The following SH3BP4 variants were observed in gnomAD, a reference collection of about 807,000 sequenced individuals.
SH3BP4 encodes SH3 domain binding protein 4.
In SH3BP4, 33 loss-of-function variants were observed where a neutral mutation model predicts 65.5. The ratio of observed to expected loss-of-function variants is 0.50; its 90% confidence interval spans 0.38 to 0.67. The LOEUF (loss-of-function observed/expected upper bound fraction) is 0.67, where lower values mean the gene tolerates loss of function less well. Ranked by LOEUF, SH3BP4 falls within the 30% of genes least tolerant of loss-of-function variation. The pLI, the probability that SH3BP4 is intolerant of heterozygous loss-of-function variation, is 0.00. For synonymous variants in SH3BP4, 552 were observed against 545.5 expected (o/e 1.01, Z -0.17); for missense variants, 1,134 against 1,261.4 (o/e 0.90, Z 1.53).
At position 235,054,439 on chromosome 2, in the gene SH3BP4, C is replaced by T. The variant is rs988267966; in HGVS notation, c.*623C>T. 1 of 152,374 alleles carries T rather than the reference C, an allele frequency of 6.6e-6. No individual in the cohort carries two copies. Among genetic ancestry groups the T allele is most frequent in the Non-Finnish European group, 1.5e-5 (1 of 68,230 alleles). 9.4% of individuals were successfully genotyped at this position (152,374 alleles called of 1,614,324 possible). The stretch of plus-strand genomic sequence containing the variant: ...TCCCTCCTCGGATTTGATTGTCTTC[C>T]GTGCTTTGCCTCACTCGTAGTAAAT... On this transcript the variant is annotated 3_prime_UTR_variant, in exon 6 of 6. Transcript: ENST00000392011.
chr2:234,987,778 G>A (rs1445274922), intron 1 of SH3BP4, among the ~76,000 whole-genome samples: 2 of 152,172 alleles, frequency 1.3e-5, no homozygotes, highest in Non-Finnish European at 2.9e-5. Context: ...AGAAGTGATT[G>A]GGCAGTGAGT....
In SH3BP4 at chr2:234,952,550, C is replaced by T. The variant is rs1287781773; in HGVS notation, c.-207+380C>T. Among the ~76,000 whole-genome samples, 5 of 151,686 alleles carry T rather than the reference C, an allele frequency of 3.3e-5. No homozygotes were observed. Among genetic ancestry groups the T allele is most frequent in the East Asian group, 2.0e-4 (1 of 5,066 alleles). The stretch of plus-strand genomic sequence containing the variant: ...CTCCCTGGGCAACCGGACGCGTCCT[C>T]GGGCGCAAATCGGGGGGCGCGCTCG... On this transcript the variant is annotated intron_variant, in intron 1 of 5. Coordinates refer to ENST00000392011, the MANE Select transcript of SH3BP4 (RefSeq NM_014521.3). The surrounding 1 kb of genome is among the most constrained non-coding windows in gnomAD (Gnocchi z 6.5).
chr2:234,958,637 G>T (rs990923854), intron 1 of SH3BP4, among the ~76,000 whole-genome samples: 4 of 152,042 alleles, frequency 2.6e-5, no homozygotes, highest in Non-Finnish European at 5.9e-5. Flanking sequence ...AGGAGCAGCT[G>T]GGATGGGAGA....
In SH3BP4 at chr2:234,952,034, C is replaced by G. The variant is rs1559220690; in HGVS notation, c.-343C>G. 6.8e-6 allele frequency: 1 copy of G among 146,682 alleles called. No individual in the cohort carries two copies. The highest frequency in any genetic ancestry group is 2.4e-5 in the African/African-American group (1 of 40,836). 9.1% of individuals were successfully genotyped at this position (146,682 alleles called of 1,614,324 possible). A position where few individuals can be genotyped will look rare whatever the true frequency, so the allele number is the denominator to read the frequency against. On this transcript the variant is annotated 5_prime_UTR_variant, in exon 1 of 6. Transcript: ENST00000392011. The surrounding 1 kb of genome is among the most constrained non-coding windows in gnomAD (Gnocchi z 6.5). ...GGGGGCCCAGCGCGCCCGGCACTCT[C>G]GGCGGTCCGGGCCCCTCGCCACTAC...
intron 2 of SH3BP4, among the ~76,000 whole-genome samples, chr2:235,000,971 A>G (rs1694079683): frequency 6.6e-6 from 1 of 152,198 alleles, no homozygotes; most frequent in Admixed American, 6.5e-5. Flanking sequence ...CAGTAAACAC[A>G]ACTTGATTCT....
intron 2 of SH3BP4, among the ~76,000 whole-genome samples, chr2:235,004,473 C>G (rs1694230500): frequency 6.6e-6 from 1 of 152,208 alleles, no homozygotes; most frequent in South Asian, 2.1e-4. Flanking sequence ...CACCTCTTAT[C>G]ACATCTCCAG....
At position 235,046,952 on chromosome 2, in the gene SH3BP4, G is replaced by A. The variant is rs1176019524; in HGVS notation, c.2478+3705G>A. Among the ~76,000 whole-genome samples, 2 of 152,180 alleles carry A rather than the reference G, an allele frequency of 1.3e-5. No homozygotes were observed. Among genetic ancestry groups the A allele is most frequent in the Admixed American group, 6.5e-5 (1 of 15,280 alleles). The stretch of plus-strand genomic sequence containing the variant: ...CCTTCCCAGCAGCATGGCTGTGGCT[G>A]CACTCAGAGCACCCCTCTGTCCTGG... On this transcript the variant is annotated intron_variant, in intron 4 of 5. Coordinates refer to ENST00000392011, the MANE Select transcript of SH3BP4 (RefSeq NM_014521.3). This position sits in a 1 kb window ranked among gnomAD's most constrained non-coding sequence, Gnocchi z 4.2.
At chr2:235,000,086 G>T (rs72985488) in intron 2 of SH3BP4, among the ~76,000 whole-genome samples, 1 of 152,348 alleles carries the variant, frequency 6.6e-6, no homozygotes, top group Non-Finnish European at 1.5e-5. Flanking sequence ...GGCCACAGGG[G>T]TTTCCAGGCT....
rs560516022 is a variant in SH3BP4, at chr2:235,046,555, G to C, written c.2478+3308G>C. Among the ~76,000 whole-genome samples the C allele has an allele frequency of 6.6e-6, 1 of 152,234 alleles. No individual in the cohort carries two copies. The highest frequency in any genetic ancestry group is 2.1e-4 in the South Asian group (1 of 4,820). ...GCACTGCACTCCAGCCTGGACAACA[G>C]AGTGAAACCCTGTCTTGAAAATAAA... On this transcript the variant is annotated intron_variant, in intron 4 of 5. Coordinates refer to ENST00000392011, the MANE Select transcript of SH3BP4 (RefSeq NM_014521.3). This position sits in a 1 kb window ranked among gnomAD's most constrained non-coding sequence, Gnocchi z 4.2.
intron 2 of SH3BP4, among the ~76,000 whole-genome samples, chr2:235,032,569 G>A (rs1231784532): frequency 5.3e-5 from 8 of 152,332 alleles, no homozygotes; most frequent in South Asian, 4.1e-4. Context: ...GCTTGCACAC[G>A]TGGCCCTTGC....
chr2:234,981,492 C>A (rs1280676119), intron 1 of SH3BP4: 1 of 152,234 alleles, frequency 6.6e-6, no homozygotes, highest in African/African-American at 2.4e-5. Flanking sequence ...TTGTCTTAGG[C>A]CCCTGAAGGT....
intron 1 of SH3BP4, among the ~76,000 whole-genome samples, chr2:234,962,555 G>GA (rs1363619035): frequency 6.6e-5 from 10 of 151,938 alleles, no homozygotes; most frequent in East Asian, 1.9e-4. Context: ...AATGTAAAAA[G>GA]AAAAAAAATC....
intron 1 of SH3BP4, among the ~76,000 whole-genome samples, chr2:234,959,301 G>C (rs896638833): frequency 6.6e-6 from 1 of 152,132 alleles, no homozygotes; most frequent in African/African-American, 2.4e-5. Flanking sequence ...GGGGGCAGTT[G>C]CATTTTATTA....
chr2:235,050,339 G>A (rs541788947), intron 4 of SH3BP4, among the ~76,000 whole-genome samples: 2 of 152,054 alleles, frequency 1.3e-5, no homozygotes, highest in South Asian at 4.2e-4. Flanking sequence ...GGATGGTCTC[G>A]ATCTCCTGAC....
At chr2:235,048,704 G>A (rs570059726) in intron 4 of SH3BP4, among the ~76,000 whole-genome samples, 6 of 152,336 alleles carry the variant, frequency 3.9e-5, no homozygotes, top group South Asian at 4.1e-4. Flanking sequence ...TGTCAATGGC[G>A]TTTTGTTGGA....
rs1695732403 is a variant in SH3BP4, at chr2:235,043,125, T to C, written c.2356T>C (p.Phe786Leu). 6.2e-7 allele frequency: 1 copy of C among 1,613,792 alleles called. No individual in the cohort carries two copies. The highest frequency in any genetic ancestry group is 2.2e-5 in the East Asian group (1 of 44,886). ...CTACGTGAACCTGCCGCTCACCTTT[T>C]TCTGCCGGGCAGAGCTGGATAGTGA... ...LGYVNLPLTF[F>L]CRAELDSEPE... is the part of the protein sequence containing the mutation. Residue 786 changes from phenylalanine to leucine, a missense_variant, in exon 4 of 6, where the codon TTC (phenylalanine) becomes CTC (leucine). Physicochemically the swap from Phe to Leu is conservative, Grantham distance 22 (BLOSUM62 0). Transcript: ENST00000392011.
chr2:235,004,434 A>T (rs1694229182), intron 2 of SH3BP4, among the ~76,000 whole-genome samples: 1 of 152,222 alleles, frequency 6.6e-6, no homozygotes, highest in African/African-American at 2.4e-5. Flanking sequence ...TCTGTGCTGT[A>T]TAGAATATTC....
intron 4 of SH3BP4, among the ~76,000 whole-genome samples, chr2:235,051,160 G>A (rs893419121): frequency 5.3e-5 from 8 of 152,154 alleles, no homozygotes; most frequent in African/African-American, 1.7e-4. Context: ...TCCTGGTGAC[G>A]TCATCCTGAC....
At chr2:235,000,059 C>G (rs920768625) in intron 2 of SH3BP4, among the ~76,000 whole-genome samples, 28 of 152,344 alleles carry the variant, frequency 1.8e-4, no homozygotes, top group African/African-American at 6.5e-4. Context: ...ACCACTGATC[C>G]ATCTGGAGAG....
Sources: allele counts gnomAD v4.1 joint callset (sites outside exome capture counted in the v4.1 genomes callset), GRCh38; gene constraint gnomAD v4.1.1; non-coding constraint Gnocchi (gnomAD v3.1); transcripts MANE v1.5; gene names NCBI Gene and HGNC (gene_info 2026-07-23, HGNC 2026-07-21).